The following DCN variants were observed in gnomAD, a reference collection of about 807,000 sequenced individuals.
DCN encodes bone proteoglycan II.
DCN carries 17 observed loss-of-function variants against 36.5 expected under a neutral mutation model. The ratio of observed to expected loss-of-function variants is 0.47; its 90% confidence interval spans 0.32 to 0.70. DCN has a LOEUF of 0.70. DCN is among the 30% of genes least tolerant of loss of function. DCN has a pLI of 0.04. For synonymous variants in DCN, 163 were observed against 161.4 expected (o/e 1.01, Z -0.07); for missense variants, 389 against 430.1 (o/e 0.90, Z 0.84).
intron 7 of DCN, 105 bp from the exon 8 acceptor site, chr12:91,146,357 T>TTC: frequency 1.5e-6 from 1 of 657,818 alleles, no homozygotes; most frequent in Non-Finnish European, 2.5e-6. Context: ...TTCACTTTTT[T>TTC]TTTTTTTTTT....
chr12:91,181,315 G>T (rs1677284163), intron 1 of DCN, among the ~76,000 whole-genome samples: 1 of 152,000 alleles, frequency 6.6e-6, no homozygotes, highest in African/African-American at 2.4e-5. Flanking sequence ...TAGTGTCATG[G>T]TACTTCAAGA....
intron 2 of DCN, among the ~76,000 whole-genome samples, chr12:91,173,029 A>T (rs1178362460): frequency 2.0e-5 from 3 of 152,202 alleles, no homozygotes; most frequent in African/African-American, 7.2e-5. Flanking sequence ...CAGTCCACAG[A>T]CTAAGTCAAG....
At chr12:91,146,535 G>T (rs2121130691) in intron 7 of DCN, among the ~76,000 whole-genome samples, 1 of 151,618 alleles carries the variant, frequency 6.6e-6, no homozygotes, top group Non-Finnish European at 1.5e-5. Context: ...TTTGTTTTTA[G>T]TAGAGTTGGG....
chr12:91,164,682 T>G lies in DCN; in HGVS notation c.247A>C (p.Thr83Pro). Residue 83 changes from threonine (T) to proline (P), a missense_variant, in exon 3 of 8, where the codon ACA becomes CCA. By Grantham distance (38) the Thr-to-Pro change is conservative. Coordinates refer to ENST00000052754, the MANE Select transcript of DCN (RefSeq NM_001920.5). ...DKVPKDLPPDTTLLDLQNNKI... is the reference protein window; with the variant it reads ...DKVPKDLPPDPTLLDLQNNKI... The stretch of plus-strand genomic sequence containing the variant: ...TTGTTTTGCAGGTCTAGCAGAGTTG[T>G]GTCAGGGGGAAGATCCTTTGGCACT... 1 of 1,612,550 alleles carries G rather than the reference T, an allele frequency of 6.2e-7. No homozygotes were observed. Among genetic ancestry groups the G allele is most frequent in the Non-Finnish European group, 8.5e-7 (1 of 1,178,586 alleles).
At chr12:91,175,874 GCTTT>G (rs1196948840) in intron 2 of DCN, 2 of 152,038 alleles carry the variant, frequency 1.3e-5, no homozygotes, top group Admixed American at 6.6e-5. Context: ...CATTTCTCCT[GCTTT>G]CTTTCTTTTT....
rs571211118 is a variant in DCN, at chr12:91,146,004, C to T, written c.*54G>A. On this transcript the variant is annotated 3_prime_UTR_variant, in exon 8 of 8. Coordinates refer to ENST00000052754, the MANE Select transcript of DCN (RefSeq NM_001920.5). ...TATCTAGCTTTTATTTATTTTTTAGCAATGACATTAACAAGATTTTGCCAG... is the reference window on the plus strand; with the variant it reads ...TATCTAGCTTTTATTTATTTTTTAGTAATGACATTAACAAGATTTTGCCAG... 2.9e-6 allele frequency: 4 copies of T among 1,387,534 alleles called. No individual in the cohort carries two copies. In the African/African-American group the frequency reaches 5.7e-5, roughly 20 times the overall value. 86.0% of individuals were successfully genotyped at this position (1,387,534 alleles called of 1,614,324 possible).
chr12:91,151,711 C>T lies in DCN; in HGVS notation c.828G>A (p.Leu276=), dbSNP rs1881435909. ...ANTPHLRELH[L]DNNKLTRVPG... is the part of the protein sequence containing the mutation. ...GTACTCTGGTAAGCTTGTTGTTGTC[C>T]AAGTGAAGCTCCCTCAGATGAGGCG... Residue 276 remains leucine, a synonymous_variant, in exon 7 of 8, where the codon TTG becomes TTA. Transcript: ENST00000052754. 1 of 1,613,890 alleles carries T rather than the reference C, an allele frequency of 6.2e-7. No individual in the cohort carries two copies. The highest frequency in any genetic ancestry group is 1.7e-5 in the Admixed American group (1 of 59,988).
At chr12:91,177,664 G>A (rs926569572) in intron 2 of DCN, 2 of 700,906 alleles carry the variant, frequency 2.9e-6, no homozygotes, top group Non-Finnish European at 5.2e-6. Context: ...TAGGGTGTTA[G>A]GCTAAAGATA....
intron 5 of DCN, among the ~76,000 whole-genome samples, chr12:91,155,617 T>TCTATCTAA (rs999629224): frequency 5.6e-5 from 7 of 124,410 alleles, no homozygotes; most frequent in African/African-American, 2.4e-4. Flanking sequence ...TTTAATAAGA[T>TCTATCTAA]CTATCTATCT....
At chr12:91,152,575 A>G (rs916646980) in intron 6 of DCN, among the ~76,000 whole-genome samples, 1 of 152,130 alleles carries the variant, frequency 6.6e-6, no homozygotes, top group Admixed American at 6.6e-5. Context: ...CAACAACAAC[A>G]AAAGCTTTTC....
At chr12:91,173,925 A>G (rs1027074753) in intron 2 of DCN, among the ~76,000 whole-genome samples, 4 of 152,346 alleles carry the variant, frequency 2.6e-5, no homozygotes, top group Admixed American at 1.3e-4. Context: ...AGAAGAAGCA[A>G]CTACATAATT....
intron 2 of DCN, among the ~76,000 whole-genome samples, chr12:91,165,459 C>A (rs1166747814): frequency 6.6e-6 from 1 of 152,054 alleles, no homozygotes. Context: ...AATGTAAATT[C>A]ATTGAATTAC....
chr12:91,179,197 C>T (rs1883471529), intron 1 of DCN: 1 of 160,200 alleles, frequency 6.2e-6, no homozygotes, highest in Non-Finnish European at 1.4e-5. Flanking sequence ...TTATTAACTT[C>T]CTATGGCTTA....
At chr12:91,177,710 C>G (rs572230114) in intron 2 of DCN, 13 of 696,302 alleles carry the variant, frequency 1.9e-5, no homozygotes, top group Middle Eastern at 4.7e-4. Context: ...TTACACCATA[C>G]CTTAGTGATA....
At position 91,182,741 on chromosome 12, in the gene DCN, G is replaced by C. The variant is rs2121338870; in HGVS notation, c.-120C>G. Reference sequence around the variant, plus strand: ...TCAGCCCAAGTAAAAGAGTTTGCAGGTGTGGAAAGGAGGAGGGGGTAGGTG... The same window carrying C: ...TCAGCCCAAGTAAAAGAGTTTGCAGCTGTGGAAAGGAGGAGGGGGTAGGTG... On this transcript the variant is annotated 5_prime_UTR_variant, in exon 1 of 8. Coordinates refer to ENST00000052754, the MANE Select transcript of DCN (RefSeq NM_001920.5). 6.6e-6 allele frequency: 1 copy of C among 152,078 alleles called. No homozygotes were observed. The highest frequency in any genetic ancestry group is 2.4e-5 in the African/African-American group (1 of 41,510). The allele number at this position is 152,078 out of a possible 1,614,324, so 9.4% of individuals were successfully genotyped here.
rs916730058 is a variant in DCN, at chr12:91,165,566, A to G, written c.212-849T>C. 4.6e-5 allele frequency among the ~76,000 whole-genome samples: 7 copies of G among 152,136 alleles called. No individual in the cohort carries two copies. The East Asian group carries it at 1.3e-3, about 29-fold the overall frequency. ...ACAAAAGGCAGTTATTTTTGAATAA[A>G]TCATCATGAATCATAATAGAGAAAA... On this transcript the variant is annotated intron_variant, in intron 2 of 7. Coordinates refer to ENST00000052754, the MANE Select transcript of DCN (RefSeq NM_001920.5).
intron 4 of DCN, among the ~76,000 whole-genome samples, chr12:91,157,910 G>A (rs946505097): frequency 6.6e-6 from 1 of 152,184 alleles, no homozygotes; most frequent in Non-Finnish European, 1.5e-5. Context: ...TTACAGGCAT[G>A]AGCCACCGCG....
At chr12:91,148,509 T>C (rs1881186931) in intron 7 of DCN, among the ~76,000 whole-genome samples, 2 of 151,740 alleles carry the variant, frequency 1.3e-5, no homozygotes, top group African/African-American at 4.8e-5. Flanking sequence ...TGAGGTCAGG[T>C]GTTCAAGACC....
intron 3 of DCN, among the ~76,000 whole-genome samples, chr12:91,161,566 AG>A (rs1882156991): frequency 6.6e-6 from 1 of 152,188 alleles, no homozygotes. Context: ...TGAAACCTTA[AG>A]GTGAAGTGAG....
Sources: gnomAD v4.1 joint callset for allele counts (sites outside exome capture counted in the v4.1 genomes callset) on GRCh38, gnomAD v4.1.1 for gene constraint, MANE v1.5 for transcripts, NCBI Gene and HGNC (gene_info 2026-07-23, HGNC 2026-07-21) for gene names.